Variants in PVT1 observed in about 807,000 individuals in gnomAD.
PVT1 encodes the protein CXCR4/PVT1 fusion.
At chr8:127,997,377 A>G (rs1034313605) in intron 4 of PVT1, among the ~76,000 whole-genome samples, 1 of 151,978 alleles carries the variant, frequency 6.6e-6, no homozygotes, top group Non-Finnish European at 1.5e-5. Flanking sequence ...CTCAAGTGTA[A>G]TTGAAAGCAG....
chr8:127,913,016 GT>G (rs1042989958), intron 3 of PVT1, among the ~76,000 whole-genome samples: 12 of 145,836 alleles, frequency 8.2e-5, no homozygotes, highest in Non-Finnish European at 1.5e-4. Flanking sequence ...ACCCCACCTT[GT>G]TTTTTTCTTT....
At chr8:128,089,556 G>A (rs1181371020) in intron 5 of PVT1, among the ~76,000 whole-genome samples, 1 of 152,164 alleles carries the variant, frequency 6.6e-6, no homozygotes, top group Admixed American at 6.5e-5. Context: ...GGACACAAAT[G>A]TTCAGTCTAT....
At chr8:127,795,642 C>G (rs528142127) in intron 1 of PVT1, 1 of 147,782 alleles carries the variant, frequency 6.8e-6, no homozygotes, top group Admixed American at 6.7e-5. Context: ...TAGTTCCTTG[C>G]TAGGAAAAAA....
intron 3 of PVT1, among the ~76,000 whole-genome samples, chr8:127,951,401 G>A (rs771661464): frequency 1.3e-5 from 2 of 152,202 alleles, no homozygotes; most frequent in South Asian, 2.1e-4. Context: ...AGGGCCCTGG[G>A]TAGGAAACCC....
intron 2 of PVT1, among the ~76,000 whole-genome samples, chr8:127,828,736 C>G (rs950561265): frequency 6.6e-6 from 1 of 151,920 alleles, no homozygotes; most frequent in Non-Finnish European, 1.5e-5. Flanking sequence ...GCAGGTCCGC[C>G]CCCCCAGACT....
upstream of PVT1, chr8:127,794,527 G>C (rs1459087308): frequency 3.3e-5 from 5 of 151,154 alleles, no homozygotes; most frequent in African/African-American, 4.8e-5. Flanking sequence ...CGCCAGCCCC[G>C]CGCTCCTCCG....
chr8:127,973,896 C>T (rs545484943), intron 3 of PVT1, among the ~76,000 whole-genome samples: 10 of 151,482 alleles, frequency 6.6e-5, no homozygotes, highest in Admixed American at 1.3e-4. Context: ...AGGAGAATGG[C>T]GTGAACCCGG....
intron 4 of PVT1, among the ~76,000 whole-genome samples, chr8:128,008,389 C>T (rs1817272436): frequency 6.6e-6 from 1 of 152,226 alleles, no homozygotes; most frequent in Non-Finnish European, 1.5e-5. Flanking sequence ...GTAACCTTCT[C>T]TACCATGTAC....
chr8:128,022,399 T>G (rs1168857267), intron 4 of PVT1, among the ~76,000 whole-genome samples: 2 of 152,262 alleles, frequency 1.3e-5, no homozygotes, highest in African/African-American at 4.8e-5. Context: ...TGCAGCTATT[T>G]AATTCAGTGC....
chr8:127,899,667 C>G (rs1815734233), intron 3 of PVT1, among the ~76,000 whole-genome samples: 1 of 152,098 alleles, frequency 6.6e-6, no homozygotes, highest in Non-Finnish European at 1.5e-5. Context: ...GGGGAGGGAG[C>G]CTGGAGCTGG....
Position 128,073,821 on chromosome 8 carries a change from A to G in PVT1, n.1114+3460A>G, listed in dbSNP as rs1286328571. ...TTTTTTCTTTTTTTTTTTTTTTAAG[A>G]TGAGAAAACTGCTAGTCAGAGATGC... On this transcript the variant is annotated intron_variant and non_coding_transcript_variant, in intron 5 of 10. Coordinates refer to ENST00000651587, the Ensembl canonical transcript of PVT1. Among the ~76,000 whole-genome samples, 4 of 147,596 alleles carry G rather than the reference A, an allele frequency of 2.7e-5. No homozygotes were observed. In the East Asian group the frequency reaches 5.9e-4, roughly 22 times the overall value.
intron 4 of PVT1, among the ~76,000 whole-genome samples, chr8:127,998,864 T>C (rs1380324972): frequency 1.5e-5 from 2 of 132,722 alleles, no homozygotes; most frequent in African/African-American, 2.8e-5. Context: ...TCCCTCTCTC[T>C]CTCTCTCTCT....
At chr8:127,881,784 C>G (rs1006152063) in intron 2 of PVT1, among the ~76,000 whole-genome samples, 4 of 151,942 alleles carry the variant, frequency 2.6e-5, no homozygotes, top group Non-Finnish European at 5.9e-5. Flanking sequence ...GAGACAGGGT[C>G]TTACTTTGTC....
chr8:128,011,949 G>T (rs1817318852), intron 4 of PVT1, among the ~76,000 whole-genome samples: 1 of 152,176 alleles, frequency 6.6e-6, no homozygotes, highest in African/African-American at 2.4e-5. Context: ...GAGAGGGGGT[G>T]GGGCTGAAAG....
At chr8:128,032,581 A>T (rs1813404899) in intron 4 of PVT1, among the ~76,000 whole-genome samples, 1 of 152,234 alleles carries the variant, frequency 6.6e-6, no homozygotes, top group African/African-American at 2.4e-5. Flanking sequence ...TGCCACGGCA[A>T]TGCCAAGTAA....
intron 3 of PVT1, among the ~76,000 whole-genome samples, chr8:127,931,843 C>A (rs964018937): frequency 6.6e-6 from 1 of 152,256 alleles, no homozygotes; most frequent in African/African-American, 2.4e-5. Flanking sequence ...TTTGCCAATC[C>A]CCAAATACGG....
intron 3 of PVT1, among the ~76,000 whole-genome samples, chr8:127,943,145 A>G (rs573845015): frequency 7.9e-5 from 12 of 152,358 alleles, no homozygotes; most frequent in African/African-American, 2.9e-4. Context: ...TGGGGACAGA[A>G]GGAGGTCCTG....
At chr8:128,009,421 T>C (rs918365955) in intron 4 of PVT1, among the ~76,000 whole-genome samples, 1 of 152,188 alleles carries the variant, frequency 6.6e-6, no homozygotes, top group Non-Finnish European at 1.5e-5. Context: ...TTCATTCTTT[T>C]TCTGAAGCCC....
At chr8:128,016,049 G>A (rs1817370369) in intron 4 of PVT1, among the ~76,000 whole-genome samples, 1 of 152,146 alleles carries the variant, frequency 6.6e-6, no homozygotes, top group African/African-American at 2.4e-5. Context: ...AAGCCAAGGT[G>A]GGAGGATTGC....
Sources: allele counts gnomAD v4.1 joint callset (sites outside exome capture counted in the v4.1 genomes callset), GRCh38; gene constraint gnomAD v4.1.1; transcripts MANE v1.5; gene names NCBI Gene and HGNC (gene_info 2026-07-23, HGNC 2026-07-21).